CAB39: variants seen among roughly 807,000 people sequenced by gnomAD.
CAB39 encodes the protein calcium-binding protein 39.
Under a neutral mutation model 40.0 loss-of-function variants are expected in CAB39, and 8 were observed. That is an observed-to-expected ratio of 0.20 (90% CI 0.12 to 0.36). CAB39 has a LOEUF of 0.36. Ranked by LOEUF, CAB39 falls within the 10% of genes least tolerant of loss-of-function variation. The probability of loss-of-function intolerance (pLI) is 1.00; values close to 1 mark genes in which losing one functional copy is unlikely to be tolerated. For missense variants in CAB39, 270 were observed against 401.1 expected (o/e 0.67, Z 2.79); for synonymous variants, 156 against 141.6 (o/e 1.10, Z -0.72).
chr2:230,790,288 C>CT (rs1377827878), intron 2 of CAB39, among the ~76,000 whole-genome samples: 3 of 152,040 alleles, frequency 2.0e-5, no homozygotes, highest in Non-Finnish European at 4.4e-5. Context: ...ACTCATTAGT[C>CT]TTTTTCATGG....
chr2:230,757,779 A>G (rs1471065558), intron 1 of CAB39, among the ~76,000 whole-genome samples: 2 of 152,102 alleles, frequency 1.3e-5, no homozygotes, highest in Non-Finnish European at 2.9e-5. Context: ...AGTGTGATAC[A>G]CTGTTTATGG....
chr2:230,818,454 A>G (rs1202582692), intron 8 of CAB39, 62 bp from the exon 9 acceptor site: 2 of 1,380,500 alleles, frequency 1.4e-6, no homozygotes, highest in Non-Finnish European at 2.0e-6. Context: ...CTGTGGCCGC[A>G]GCTCAGGTGT....
rs1468437194 is a variant in CAB39 at position 230,820,309 on chromosome 2, A to G, written c.*1605A>G. 6.6e-6 allele frequency: 1 copy of G among 152,200 alleles called. No homozygotes were observed. Among genetic ancestry groups the G allele is most frequent in the African/African-American group, 2.4e-5 (1 of 41,452 alleles). 9.4% of individuals were successfully genotyped at this position (152,200 alleles called of 1,614,324 possible). On this transcript the variant is annotated 3_prime_UTR_variant, in exon 9 of 9. Coordinates refer to ENST00000258418, the MANE Select transcript of CAB39 (RefSeq NM_016289.4). ...ACTGGCCAGTAAAATGGGCCTCCCA[A>G]TTGCTGTTTCAGCAGGTTTTAAACC...
chr2:230,739,666 G>A (rs1210193403), intron 1 of CAB39, among the ~76,000 whole-genome samples: 1 of 152,158 alleles, frequency 6.6e-6, no homozygotes, highest in Admixed American at 6.5e-5. Flanking sequence ...AGCTAATTTT[G>A]TATTTTTAGT....
At chr2:230,808,277 G>T (rs1183352971) in intron 5 of CAB39, among the ~76,000 whole-genome samples, 3 of 151,816 alleles carry the variant, frequency 2.0e-5, no homozygotes, top group Admixed American at 1.3e-4. Flanking sequence ...GTAGAGACAG[G>T]GTTTCACCAT....
chr2:230,817,256 G>A (rs1247177302), intron 7 of CAB39, among the ~76,000 whole-genome samples: 2 of 152,114 alleles, frequency 1.3e-5, no homozygotes, highest in African/African-American at 2.4e-5. Context: ...GTGATAAAAC[G>A]ATAACTGTGG....
intron 6 of CAB39, among the ~76,000 whole-genome samples, chr2:230,812,882 T>C (rs745972993): frequency 6.6e-6 from 1 of 152,218 alleles, no homozygotes; most frequent in South Asian, 2.1e-4. Context: ...GAATTCATGT[T>C]CAGTAAACAA....
intron 1 of CAB39, among the ~76,000 whole-genome samples, chr2:230,732,273 G>A (rs1240920230): frequency 6.6e-6 from 1 of 151,960 alleles, no homozygotes; most frequent in Non-Finnish European, 1.5e-5. Context: ...TAGTGGAGAC[G>A]GTGTTTCACT....
chr2:230,737,003 A>G (rs940678924), intron 1 of CAB39, among the ~76,000 whole-genome samples: 6 of 152,202 alleles, frequency 3.9e-5, no homozygotes, highest in African/African-American at 4.8e-5. Flanking sequence ...GGCAACCAAC[A>G]CTAATATCTG....
At chr2:230,745,815 C>T (rs62193625) in intron 1 of CAB39, among the ~76,000 whole-genome samples, 2,780 of 152,084 alleles carry the variant, frequency 0.018, 43 homozygotes, top group Non-Finnish European at 0.027. Context: ...TTAGTAGAGA[C>T]GGGGTTTCAC....
intron 2 of CAB39, among the ~76,000 whole-genome samples, chr2:230,783,432 G>T (rs1695729671): frequency 9.6e-6 from 1 of 104,222 alleles, no homozygotes; most frequent in African/African-American, 3.3e-5. Context: ...AGGGAAGTCT[G>T]TTCTTGTCTA....
intron 1 of CAB39, among the ~76,000 whole-genome samples, chr2:230,732,964 TA>T (rs949047295): frequency 1.4e-4 from 22 of 152,278 alleles, no homozygotes; most frequent in African/African-American, 4.8e-4. Context: ...CACTGACAAT[TA>T]AAAAAAATTT....
intron 1 of CAB39, among the ~76,000 whole-genome samples, chr2:230,730,255 C>A (rs1465217254): frequency 1.3e-5 from 2 of 152,044 alleles, no homozygotes; most frequent in East Asian, 3.9e-4. Context: ...ACTGCAGGTG[C>A]ACACCACCAC....
intron 1 of CAB39, among the ~76,000 whole-genome samples, chr2:230,752,720 A>T (rs750530149): frequency 2.6e-5 from 4 of 152,194 alleles, no homozygotes; most frequent in Non-Finnish European, 1.5e-5. Flanking sequence ...GCCTTTGTGG[A>T]GAATGGTGAG....
chr2:230,795,493 T>G (rs1207740245), intron 4 of CAB39, among the ~76,000 whole-genome samples: 2 of 152,184 alleles, frequency 1.3e-5, no homozygotes, highest in Admixed American at 6.5e-5. Flanking sequence ...GATAGTTAGA[T>G]CTGGCTTTTT....
At chr2:230,790,498 A>G (rs778970013) in intron 2 of CAB39, among the ~76,000 whole-genome samples, 3 of 151,800 alleles carry the variant, frequency 2.0e-5, no homozygotes, top group Non-Finnish European at 4.4e-5. Flanking sequence ...TATCCTCCAT[A>G]CTTGCTTGTC....
chr2:230,795,353 T>C (rs1200327966), intron 4 of CAB39, among the ~76,000 whole-genome samples: 3 of 152,040 alleles, frequency 2.0e-5, no homozygotes, highest in Non-Finnish European at 4.4e-5. Context: ...TAATCTATAA[T>C]AGTTAATATT....
At chr2:230,810,166 AC>A in intron 5 of CAB39, 96 bp from the exon 6 acceptor site, 1 of 602,206 alleles carries the variant, frequency 1.7e-6, no homozygotes, top group African/African-American at 1.9e-5. Context: ...GTGATTTTTA[AC>A]AACAGTTTTT....
chr2:230,751,184 T>C (rs1695079185), intron 1 of CAB39, among the ~76,000 whole-genome samples: 1 of 152,224 alleles, frequency 6.6e-6, no homozygotes, highest in African/African-American at 2.4e-5. Context: ...TGTGTGGGGT[T>C]TTTTCTTTGT....
Sources: gnomAD v4.1 joint callset for allele counts (sites outside exome capture counted in the v4.1 genomes callset) on GRCh38, gnomAD v4.1.1 for gene constraint, MANE v1.5 for transcripts, NCBI Gene and HGNC (gene_info 2026-07-23, HGNC 2026-07-21) for gene names.